The following CNGA4 variants were observed in gnomAD, a reference collection of about 807,000 sequenced individuals.
The protein encoded by CNGA4 is cyclic nucleotide gated channel subunit alpha 4.
CNGA4 carries 32 observed loss-of-function variants against 45.6 expected under a neutral mutation model. That is an observed-to-expected ratio of 0.70 (90% confidence interval 0.53 to 0.94). The LOEUF (loss-of-function observed/expected upper bound fraction) is 0.94, where lower values mean the gene tolerates loss of function less well. Ranked by LOEUF, CNGA4 falls within the 40% of genes least tolerant of loss-of-function variation. CNGA4 has a pLI of 0.00. For synonymous variants in CNGA4, 293 were observed against 304.6 expected (o/e 0.96, Z 0.40); for missense variants, 726 against 755.1 (o/e 0.96, Z 0.45).
At chr11:6,237,326 G>A (rs1158602408), upstream of CNGA4, among the ~76,000 whole-genome samples, 1 of 152,124 alleles carries the variant, frequency 6.6e-6, no homozygotes, top group Non-Finnish European at 1.5e-5. Flanking sequence ...AATTCTAGAA[G>A]AAAAAGTGGA....
At chr11:6,235,198 G>T (rs1781808514), upstream of CNGA4, among the ~76,000 whole-genome samples, 1 of 152,188 alleles carries the variant, frequency 6.6e-6, no homozygotes, top group Non-Finnish European at 1.5e-5. Flanking sequence ...TGGAGCCCTA[G>T]AGAGGGCTGA....
rs201935296 is a variant in CNGA4, at chr11:6,241,696, G to A, written c.1183G>A (p.Val395Met). 171 of 1,614,196 alleles carry A rather than the reference G, an allele frequency of 1.1e-4. No homozygotes were observed. Among genetic ancestry groups the A allele is most frequent in the East Asian group, 7.4e-4 (33 of 44,884 alleles). The change falls in exon 5 of 6, where the codon GTG becomes ATG. Residue 395 changes from valine to methionine, a missense_variant. Val to Met is a conservative substitution (Grantham distance 21). Coordinates refer to ENST00000379936, the MANE Select transcript of CNGA4 (RefSeq NM_001037329.4). ...CATCATCCGAGAGGGTCAACTGGCC[G>A]TGGTGGCAGATGATGGTATCACACA... ...MYIIREGQLA[V>M]VADDGITQYA...
chr11:6,241,374 G>A, intron 4 of CNGA4, 57 bp from the exon 5 acceptor site: 1 of 1,381,442 alleles, frequency 7.2e-7, no homozygotes, highest in South Asian at 1.3e-5. Context: ...CTGAAGGAAG[G>A]GATGGAGGCA....
chr11:6,239,465 C>T lies in CNGA4; in HGVS notation c.144C>T (p.Asn48=). The T allele has an allele frequency of 6.2e-7, 1 of 1,614,198 alleles. No homozygotes were observed. The change falls in exon 2 of 6, where the codon AAC becomes AAT. Residue 48 remains asparagine (N), a synonymous_variant. Transcript: ENST00000379936. ...LNTMVFPVMY[N]LIILVCRACF... ...CAATGGTCTTCCCAGTCATGTATAA[C>T]CTCATCATCCTCGTGTGCAGGTATG... is the stretch of plus-strand genomic sequence containing the variant.
upstream of CNGA4, among the ~76,000 whole-genome samples, chr11:6,236,133 AAT>A (rs965021438): frequency 1.1e-4 from 16 of 152,304 alleles, no homozygotes; most frequent in African/African-American, 3.6e-4. Context: ...TTTAAAAAGA[AAT>A]AGAAGTTTCA....
At chr11:6,242,804 T>A (rs1256132501) in intron 5 of CNGA4, among the ~76,000 whole-genome samples, 2 of 152,228 alleles carry the variant, frequency 1.3e-5, no homozygotes, top group Admixed American at 6.5e-5. Flanking sequence ...AGTAGCTCCC[T>A]TTCCCTTGTC....
At position 6,240,413 on chromosome 11, in the gene CNGA4, G is replaced by A. The variant is rs773283676; in HGVS notation, c.619G>A (p.Ala207Thr). Residue 207 changes from alanine to threonine, a missense_variant, in exon 4 of 6, where the codon GCG becomes ACG. Physicochemically the swap from Ala to Thr is moderately conservative, Grantham distance 58. Coordinates refer to ENST00000379936, the MANE Select transcript of CNGA4 (RefSeq NM_001037329.4). The surrounding 1 kb of genome is among the most constrained non-coding windows in gnomAD (Gnocchi z 4.9). Reference protein sequence around the residue: ...GRDAWVYPDPAQPGFERLRRQ... With the variant: ...GRDAWVYPDPTQPGFERLRRQ... The stretch of plus-strand genomic sequence containing the variant: ...TGACGCATGGGTGTACCCGGACCCC[G>A]CGCAGCCTGGCTTTGAGCGCCTGCG... The A allele has an allele frequency of 1.4e-5, 22 of 1,614,104 alleles. No individual in the cohort carries two copies. The Middle Eastern group carries it at 4.9e-4, about 36-fold the overall frequency.
At position 6,240,125 on chromosome 11, in the gene CNGA4, C is replaced by T. The variant is rs146413631; in HGVS notation, c.331C>T (p.Arg111Cys). 6.8e-6 allele frequency: 11 copies of T among 1,613,972 alleles called. No individual in the cohort carries two copies. Among genetic ancestry groups the T allele is most frequent in the Middle Eastern group, 1.6e-4 (1 of 6,084 alleles). Residue 111 changes from arginine (R) to cysteine (C), a missense_variant, in exon 4 of 6, where the codon CGC becomes TGC. Physicochemically the swap from Arg to Cys is radical, Grantham distance 180. Coordinates refer to ENST00000379936, the MANE Select transcript of CNGA4 (RefSeq NM_001037329.4). The surrounding 1 kb of genome is among the most constrained non-coding windows in gnomAD (Gnocchi z 4.9). The stretch of plus-strand genomic sequence containing the variant: ...GGGTAGGATCTCGAGTCGCTACGTT[C>T]GCACCTGGAGTTTCTTCTTGGACCT... ...DKGRISSRYV[R>C]TWSFFLDLAS...
At chr11:6,235,736 C>T (rs979387259), upstream of CNGA4, among the ~76,000 whole-genome samples, 1 of 151,992 alleles carries the variant, frequency 6.6e-6, no homozygotes, top group Non-Finnish European at 1.5e-5. Context: ...GTCAAGAGTT[C>T]GAGACCAGCC....
chr11:6,240,950 TA>T lies in CNGA4; in HGVS notation c.917+241del, dbSNP rs1196636775. On this transcript the variant is annotated intron_variant, in intron 4 of 5. Coordinates refer to ENST00000379936, the MANE Select transcript of CNGA4 (RefSeq NM_001037329.4). This position sits in a 1 kb window ranked among gnomAD's most constrained non-coding sequence, Gnocchi z 4.9. ...AGAGGAGCTCATACTCAAAAAAGGA[TA>T]ATATGGAGACCAGGGAATGGGAAGT... 3.9e-5 allele frequency among the ~76,000 whole-genome samples: 6 copies of T among 152,018 alleles called. No homozygotes were observed. The East Asian group carries it at 7.7e-4, about 20-fold the overall frequency.
rs1847921883 is a variant in CNGA4, at chr11:6,241,693, G to C, written c.1180G>C (p.Ala394Pro). The C allele has an allele frequency of 6.2e-7, 1 of 1,614,100 alleles. No individual in the cohort carries two copies. Residue 394 changes from alanine (A) to proline (P), a missense_variant, in exon 5 of 6, where the codon GCC becomes CCC. Coordinates refer to ENST00000379936, the MANE Select transcript of CNGA4 (RefSeq NM_001037329.4). ...EMYIIREGQL[A>P]VVADDGITQY... ...GTACATCATCCGAGAGGGTCAACTG[G>C]CCGTGGTGGCAGATGATGGTATCAC... is the stretch of plus-strand genomic sequence containing the variant.
intron 5 of CNGA4, among the ~76,000 whole-genome samples, chr11:6,243,427 A>G (rs1847945420): frequency 6.6e-6 from 1 of 152,122 alleles, no homozygotes; most frequent in Admixed American, 6.6e-5. Flanking sequence ...CCACACTTTC[A>G]AACAACCAAA....
chr11:6,234,877 C>T, upstream of CNGA4: 1 of 152,806 alleles, frequency 6.5e-6, no homozygotes, highest in Non-Finnish European at 1.5e-5. Context: ...CCCCGCCCCT[C>T]AGAAGGACTC....
chr11:6,241,871 G>A, intron 5 of CNGA4, 91 bp downstream of exon 5: 1 of 1,193,922 alleles, frequency 8.4e-7, no homozygotes. Flanking sequence ...AGTACTTCAG[G>A]CCTAAACTTC....
upstream of CNGA4, among the ~76,000 whole-genome samples, chr11:6,238,276 G>T (rs1847862850): frequency 6.6e-6 from 1 of 152,312 alleles, no homozygotes; most frequent in East Asian, 1.9e-4. Context: ...GGAGAAGGGG[G>T]AGCGTGTCTT....
rs1847900146 is a variant in CNGA4 at position 6,240,463 on chromosome 11, C to A, written c.669C>A (p.Tyr223Ter). The A allele has an allele frequency of 6.2e-7, 1 of 1,614,114 alleles. No homozygotes were observed. Among genetic ancestry groups the A allele is most frequent in the Admixed American group, 1.7e-5 (1 of 60,018 alleles). The change falls in exon 4 of 6, where the codon TAC (tyrosine) becomes TAA (stop). Residue 223 changes from tyrosine (Y) to a stop codon, truncating the protein, a stop_gained. Coordinates refer to ENST00000379936, the MANE Select transcript of CNGA4 (RefSeq NM_001037329.4). LOFTEE classifies it high-confidence loss of function. The surrounding 1 kb of genome is among the most constrained non-coding windows in gnomAD (Gnocchi z 4.9). ...RLRRQYLYSF[Y>*]FSTLILTTVG... is the part of the protein sequence containing the mutation. ...GGCGCCAGTACCTCTATAGCTTTTA[C>A]TTCTCCACGCTGATACTGACTACAG... is the stretch of plus-strand genomic sequence containing the variant.
chr11:6,244,448 T>C lies in CNGA4; in HGVS notation c.*39T>C. Reference sequence around the variant, plus strand: ...CCCAGGATTCCCACCTCCTAGTGAATCCAGAGTTGTAGTAAAGCCTAACTG... The same window carrying C: ...CCCAGGATTCCCACCTCCTAGTGAACCCAGAGTTGTAGTAAAGCCTAACTG... On this transcript the variant is annotated 3_prime_UTR_variant, in exon 6 of 6. Coordinates refer to ENST00000379936, the MANE Select transcript of CNGA4 (RefSeq NM_001037329.4). This position sits in a 1 kb window ranked among gnomAD's most constrained non-coding sequence, Gnocchi z 4.5. 6.5e-7 allele frequency: 1 copy of C among 1,547,408 alleles called. No individual in the cohort carries two copies. The highest frequency in any genetic ancestry group is 2.4e-5 in the East Asian group (1 of 42,250).
upstream of CNGA4, chr11:6,235,400 C>T (rs550641052): frequency 1.2e-6 from 1 of 856,516 alleles, no homozygotes; most frequent in African/African-American, 1.8e-5. Flanking sequence ...CAATTAGAAC[C>T]GGCCTCTGCT....
At chr11:6,243,785 G>C (rs1374413420) in intron 5 of CNGA4, among the ~76,000 whole-genome samples, 164 bp from the exon 6 acceptor site, 1 of 152,162 alleles carries the variant, frequency 6.6e-6, no homozygotes. Flanking sequence ...TACCTACCCA[G>C]CATGGAGCCT....
Sources: gnomAD v4.1 joint callset for allele counts (sites outside exome capture counted in the v4.1 genomes callset) on GRCh38, gnomAD v4.1.1 for gene constraint, Gnocchi (gnomAD v3.1) non-coding constraint, MANE v1.5 for transcripts, NCBI Gene and HGNC (gene_info 2026-07-23, HGNC 2026-07-21) for gene names.